CADPS: variants seen among roughly 807,000 people sequenced by gnomAD.
CADPS encodes calcium-dependent secretion activator 1.
A neutral mutation model predicts 167.3 loss-of-function variants in CADPS; 57 were observed. That is an observed-to-expected ratio of 0.34 (90% confidence interval 0.28 to 0.42). CADPS has a LOEUF of 0.42. CADPS is among the 20% of genes least tolerant of loss of function. The probability of loss-of-function intolerance (pLI) is 1.00; values close to 1 mark genes in which losing one functional copy is unlikely to be tolerated. For synonymous variants in CADPS, 676 were observed against 635.3 expected, an observed-to-expected ratio of 1.06 and a Z score of -0.96; for missense variants, 1,414 against 1,738.1, an observed-to-expected ratio of 0.81 and a Z score of 3.32.
intron 8 of CADPS, among the ~76,000 whole-genome samples, chr3:62,581,981 T>C (rs2083518059): frequency 6.6e-6 from 1 of 152,178 alleles, no homozygotes; most frequent in African/African-American, 2.4e-5. Flanking sequence ...TGTTGATTTT[T>C]CCCATTGACA....
intron 3 of CADPS, among the ~76,000 whole-genome samples, chr3:62,672,462 G>A (rs193209850): frequency 5.6e-4 from 85 of 152,216 alleles, no homozygotes; most frequent in East Asian, 1.7e-3. Flanking sequence ...TTATCAAGGC[G>A]TTGAGAGCTG....
At chr3:62,655,197 G>A (rs2071244368) in intron 4 of CADPS, among the ~76,000 whole-genome samples, 1 of 152,200 alleles carries the variant, frequency 6.6e-6, no homozygotes. Context: ...GCCTTGGGAA[G>A]AAATAGCATA....
At chr3:62,402,574 A>G (rs1369114823) in intron 29 of CADPS, among the ~76,000 whole-genome samples, 1 of 152,240 alleles carries the variant, frequency 6.6e-6, no homozygotes, top group Non-Finnish European at 1.5e-5. Flanking sequence ...GTGATCCTTT[A>G]CATTTGATTG....
chr3:62,615,205 A>G (rs771598821), intron 6 of CADPS, among the ~76,000 whole-genome samples: 11 of 152,170 alleles, frequency 7.2e-5, no homozygotes, highest in South Asian at 2.1e-4. Context: ...TTGGTCTCCC[A>G]GTCATGAAGG....
chr3:62,824,084 C>T (rs2073545195), intron 1 of CADPS, among the ~76,000 whole-genome samples: 1 of 150,460 alleles, frequency 6.6e-6, no homozygotes, highest in African/African-American at 2.4e-5. Flanking sequence ...ATTGATAATC[C>T]AAGGCTGAGA....
intron 1 of CADPS, among the ~76,000 whole-genome samples, chr3:62,809,197 C>T (rs773312723): frequency 2.0e-5 from 3 of 152,150 alleles, no homozygotes; most frequent in Non-Finnish European, 4.4e-5. Context: ...TTCATACTTT[C>T]TAGATGTTAG....
chr3:62,728,397 A>C (rs2077147516), intron 3 of CADPS, among the ~76,000 whole-genome samples: 1 of 151,594 alleles, frequency 6.6e-6, no homozygotes, highest in Non-Finnish European at 1.5e-5. Context: ...TATATCTAAC[A>C]CTCACCTCAC....
chr3:62,611,507 C>G (rs1447966118), intron 6 of CADPS, among the ~76,000 whole-genome samples: 3 of 152,278 alleles, frequency 2.0e-5, no homozygotes, highest in East Asian at 3.9e-4. Context: ...AGTCAGCTCT[C>G]ACTACTTTTC....
chr3:62,673,285 T>A (rs1166600886), intron 3 of CADPS, among the ~76,000 whole-genome samples: 11 of 152,218 alleles, frequency 7.2e-5, no homozygotes, highest in African/African-American at 2.7e-4. Flanking sequence ...CTTAGTGTGG[T>A]GTCTGACACT....
Position 62,730,750 on chromosome 3 carries a change from C to T in CADPS, c.888+22691G>A, listed in dbSNP as rs114504099. Among the ~76,000 whole-genome samples, 943 of 152,308 alleles carry T rather than the reference C, an allele frequency of 6.2e-3. 6 individuals are homozygous for T. Among genetic ancestry groups the T allele is most frequent in the Non-Finnish European group, 8.6e-3 (588 of 68,024 alleles). On this transcript the variant is annotated intron_variant, in intron 3 of 29. Coordinates refer to ENST00000383710, the MANE Select transcript of CADPS (RefSeq NM_003716.4). The stretch of plus-strand genomic sequence containing the variant: ...TTCCATTGCAAAGCTGTTACTTTTG[C>T]CAATGAGTTGCATACTTTCCTGACG...
chr3:62,506,118 G>A (rs1014540848), intron 17 of CADPS, among the ~76,000 whole-genome samples: 12 of 152,106 alleles, frequency 7.9e-5, no homozygotes, highest in African/African-American at 2.2e-4. Flanking sequence ...AGCTGTGCGC[G>A]GTGGCTCACA....
At chr3:62,447,768 G>A (rs1466805312) in intron 26 of CADPS, among the ~76,000 whole-genome samples, 2 of 152,178 alleles carry the variant, frequency 1.3e-5, no homozygotes, top group Non-Finnish European at 1.5e-5. Context: ...GGGATTTGAG[G>A]CAGGCTCTCC....
chr3:62,480,380 T>C (rs1576598876), intron 22 of CADPS, among the ~76,000 whole-genome samples: 1 of 152,368 alleles, frequency 6.6e-6, no homozygotes, highest in Non-Finnish European at 1.5e-5. Context: ...ATAGTCATCT[T>C]AGCATGAATA....
chr3:62,645,372 C>T (rs1477216859), intron 6 of CADPS, among the ~76,000 whole-genome samples: 1 of 152,090 alleles, frequency 6.6e-6, no homozygotes, highest in African/African-American at 2.4e-5. Flanking sequence ...ATGTCTTATA[C>T]TGAAAACCAA....
At chr3:62,854,285 C>T (rs964553390) in intron 1 of CADPS, among the ~76,000 whole-genome samples, 2 of 152,206 alleles carry the variant, frequency 1.3e-5, no homozygotes, top group Non-Finnish European at 2.9e-5. Flanking sequence ...AACTTTCTCT[C>T]TATGCATTCC....
intron 1 of CADPS, among the ~76,000 whole-genome samples, chr3:62,841,458 G>A (rs1298224365): frequency 2.0e-5 from 3 of 152,190 alleles, no homozygotes; most frequent in Admixed American, 1.3e-4. Flanking sequence ...GCTCATGCCT[G>A]TAATCCCAGC....
chr3:62,413,992 A>G (rs1209319091), intron 28 of CADPS, among the ~76,000 whole-genome samples: 1 of 152,208 alleles, frequency 6.6e-6, no homozygotes, highest in Non-Finnish European at 1.5e-5. Context: ...GAATTTTGAG[A>G]TTATGAAGAA....
intron 26 of CADPS, among the ~76,000 whole-genome samples, chr3:62,450,841 G>T (rs1475400623): frequency 4.6e-5 from 7 of 152,080 alleles, no homozygotes; most frequent in Non-Finnish European, 1.0e-4. Context: ...CTTTTGAGGG[G>T]GATCCTATTA....
intron 6 of CADPS, among the ~76,000 whole-genome samples, chr3:62,603,685 T>C (rs1392698828): frequency 6.6e-6 from 1 of 152,218 alleles, no homozygotes; most frequent in Non-Finnish European, 1.5e-5. Context: ...AGCTTCCATC[T>C]CTTTGCTTAT....
Sources: allele counts gnomAD v4.1 joint callset (sites outside exome capture counted in the v4.1 genomes callset), GRCh38; gene constraint gnomAD v4.1.1; transcripts MANE v1.5; gene names NCBI Gene and HGNC (gene_info 2026-07-23, HGNC 2026-07-21).